NLGN1: variants seen among roughly 807,000 people sequenced by gnomAD.
The protein encoded by NLGN1 is neuroligin-1.
A neutral mutation model predicts 65.5 loss-of-function variants in NLGN1; 12 were observed. The ratio of observed to expected loss-of-function variants is 0.18; its 90% CI spans 0.12 to 0.30. The LOEUF (loss-of-function observed/expected upper bound fraction) is 0.30. Among genes scored for constraint, NLGN1 ranks in the 10% least tolerant of loss-of-function variants. NLGN1 has a pLI of 1.00. For missense variants in NLGN1, 750 were observed against 1,007.1 expected, an observed-to-expected ratio of 0.74 and a Z score of 3.46; for synonymous variants, 350 against 359.5, an observed-to-expected ratio of 0.97 and a Z score of 0.30.
At chr3:173,948,354 C>T (rs1747572736) in intron 4 of NLGN1, among the ~76,000 whole-genome samples, 2 of 152,164 alleles carry the variant, frequency 1.3e-5, no homozygotes, top group Admixed American at 6.5e-5. Flanking sequence ...TTTATCATTA[C>T]GGCAGAGACA....
intron 3 of NLGN1, among the ~76,000 whole-genome samples, chr3:173,786,521 G>C (rs1170484005): frequency 6.6e-6 from 1 of 151,954 alleles, no homozygotes; most frequent in African/African-American, 2.4e-5. Flanking sequence ...TCGCAAAGGA[G>C]AAGTGAACCC....
intron 2 of NLGN1, among the ~76,000 whole-genome samples, chr3:173,592,256 T>G (rs1748632039): frequency 1.3e-5 from 2 of 152,204 alleles, no homozygotes; most frequent in Non-Finnish European, 2.9e-5. Context: ...TGTTAAATTT[T>G]TTTTCAGCCC....
In NLGN1 at chr3:174,122,816, A is replaced by T. The variant is rs1457473921; in HGVS notation, c.647-152499A>T. On this transcript the variant is annotated intron_variant, in intron 4 of 6. Coordinates refer to ENST00000457714, the Ensembl canonical transcript of NLGN1. ...TGAATTTTTTTTTTCTCATTCTTAG[A>T]TCCACTATACCTATCTATGCCGATG... Among the ~76,000 whole-genome samples the T allele has an allele frequency of 2.0e-5, 3 of 151,864 alleles. No individual in the cohort carries two copies. The East Asian group carries it at 5.8e-4, about 29-fold the overall frequency.
At chr3:174,008,364 G>A (rs1165241493) in intron 4 of NLGN1, among the ~76,000 whole-genome samples, 6 of 91,364 alleles carry the variant, frequency 6.6e-5, no homozygotes, top group Non-Finnish European at 1.1e-4. Context: ...CCCACCCCCC[G>A]CCCACGGAGG....
chr3:173,641,140 A>G (rs989529876), intron 3 of NLGN1, among the ~76,000 whole-genome samples: 1 of 152,144 alleles, frequency 6.6e-6, no homozygotes, highest in African/African-American at 2.4e-5. Context: ...TATGAAGCAA[A>G]TTTGTAATTT....
chr3:174,264,486 G>C (rs1016786111), intron 4 of NLGN1, among the ~76,000 whole-genome samples: 1 of 150,306 alleles, frequency 6.7e-6, no homozygotes, highest in African/African-American at 2.5e-5. Context: ...GGCTCCTGAG[G>C]CTTCTGCATT....
Position 174,276,078 on chromosome 3 carries a change from G to C in NLGN1, c.859+551G>C, listed in dbSNP as rs549781061. 7.2e-5 allele frequency among the ~76,000 whole-genome samples: 11 copies of C among 151,978 alleles called. No individual in the cohort carries two copies. In the South Asian group the frequency reaches 1.5e-3, roughly 20 times the overall value. On this transcript the variant is annotated intron_variant, in intron 5 of 6. Transcript: ENST00000457714. ...TGTCAAAGCATCAAGGTCACTGGTAGAGCTTTTGATTAAAAAGAAAAATAC... is the reference window on the plus strand; with the variant it reads ...TGTCAAAGCATCAAGGTCACTGGTACAGCTTTTGATTAAAAAGAAAAATAC...
intron 4 of NLGN1, among the ~76,000 whole-genome samples, chr3:174,211,367 G>T (rs1486843727): frequency 6.6e-6 from 1 of 152,084 alleles, no homozygotes; most frequent in Non-Finnish European, 1.5e-5. Flanking sequence ...TAGGCGCAAA[G>T]GTTCTCCAGG....
At chr3:174,089,500 A>G (rs1336962230) in intron 4 of NLGN1, among the ~76,000 whole-genome samples, 1 of 152,182 alleles carries the variant, frequency 6.6e-6, no homozygotes, top group Non-Finnish European at 1.5e-5. Flanking sequence ...AAAAGTTTGC[A>G]TTCACACTTT....
At chr3:174,113,345 T>C (rs1354049424) in intron 4 of NLGN1, among the ~76,000 whole-genome samples, 4 of 152,020 alleles carry the variant, frequency 2.6e-5, no homozygotes, top group Non-Finnish European at 5.9e-5. Context: ...TCTAAATGTT[T>C]CTAAGGAAGA....
rs140361638 is a variant in NLGN1 at position 174,152,307 on chromosome 3, T to C, written c.647-123008T>C. Among the ~76,000 whole-genome samples, 16 of 152,264 alleles carry C rather than the reference T, an allele frequency of 1.1e-4. No homozygotes were observed. In the East Asian group the frequency reaches 3.1e-3, roughly 29 times the overall value. ...CTTCTATATACATAAATATATCATC[T>C]AAACCATATTTAGTGTATTTTAGAT... On this transcript the variant is annotated intron_variant, in intron 4 of 6. Transcript: ENST00000457714.
chr3:173,717,616 A>G (rs1234236026), intron 3 of NLGN1, among the ~76,000 whole-genome samples: 4 of 152,170 alleles, frequency 2.6e-5, no homozygotes, highest in Non-Finnish European at 5.9e-5. Flanking sequence ...ATAATTGATG[A>G]CAATTTATTG....
intron 3 of NLGN1, among the ~76,000 whole-genome samples, chr3:173,713,669 T>C (rs1769370013): frequency 6.6e-6 from 1 of 152,164 alleles, no homozygotes; most frequent in Admixed American, 6.6e-5. Context: ...ATATTCTTCA[T>C]TTTTAAGTTG....
chr3:173,966,570 TCA>T (rs1456011250), intron 4 of NLGN1, among the ~76,000 whole-genome samples: 1 of 152,198 alleles, frequency 6.6e-6, no homozygotes, highest in Non-Finnish European at 1.5e-5. Context: ...CCCCGGCTAG[TCA>T]CTGAAAGCAC....
chr3:173,717,804 T>G (rs1428556497), intron 3 of NLGN1, among the ~76,000 whole-genome samples: 1 of 152,042 alleles, frequency 6.6e-6, no homozygotes, highest in Non-Finnish European at 1.5e-5. Flanking sequence ...ATTAAAGATA[T>G]CAAAATATCT....
chr3:173,693,608 C>G lies in NLGN1; in HGVS notation c.493+88517C>G, dbSNP rs1765780244. Among the ~76,000 whole-genome samples, 4 of 151,900 alleles carry G rather than the reference C, an allele frequency of 2.6e-5. No individual in the cohort carries two copies. In the South Asian group the frequency reaches 8.3e-4, roughly 31 times the overall value. On this transcript the variant is annotated intron_variant, in intron 3 of 6. Transcript: ENST00000457714. The stretch of plus-strand genomic sequence containing the variant: ...TTTAACTTATATTGGCATTCACTCT[C>G]CTAAATTTAGTAGCATGAATTAGAG...
intron 3 of NLGN1, among the ~76,000 whole-genome samples, chr3:173,739,878 G>C (rs1774364681): frequency 6.6e-6 from 1 of 152,002 alleles, no homozygotes; most frequent in South Asian, 2.1e-4. Flanking sequence ...CTAATTTCTG[G>C]GTGGAATTCT....
chr3:173,831,200 T>C (rs761686109), intron 4 of NLGN1, among the ~76,000 whole-genome samples: 4 of 152,138 alleles, frequency 2.6e-5, no homozygotes, highest in Non-Finnish European at 5.9e-5. Flanking sequence ...TGATGGACAC[T>C]TAGGTTGCTT....
In NLGN1 at chr3:173,955,664, A is replaced by C. The variant is rs114319266; in HGVS notation, c.646+147832A>C. Reference sequence around the variant, plus strand: ...TTGGAATCTAAACAAGAATATAAACAAGAAACTGGAGAATAATTGCTTGAC... The same window carrying C: ...TTGGAATCTAAACAAGAATATAAACCAGAAACTGGAGAATAATTGCTTGAC... On this transcript the variant is annotated intron_variant, in intron 4 of 6. Transcript: ENST00000457714. 3.3e-3 allele frequency among the ~76,000 whole-genome samples: 501 copies of C among 152,326 alleles called. 3 individuals carry two copies. The highest frequency in any genetic ancestry group is 0.011 in the African/African-American group (471 of 41,578).
Sources: gnomAD v4.1 joint callset for allele counts (sites outside exome capture counted in the v4.1 genomes callset) on GRCh38, gnomAD v4.1.1 for gene constraint, MANE v1.5 for transcripts, NCBI Gene and HGNC (gene_info 2026-07-23, HGNC 2026-07-21) for gene names.